The following GUCD1 variants were observed in gnomAD, a reference collection of about 807,000 sequenced individuals.
GUCD1 encodes protein GUCD1.
Under a neutral mutation model 28.3 loss-of-function variants are expected in GUCD1, and 17 were observed. The ratio of observed to expected loss-of-function variants is 0.60; its 90% CI spans 0.41 to 0.90. The LOEUF is 0.90. GUCD1 is among the 40% of genes least tolerant of loss of function. GUCD1 has a pLI of 0.00. For missense variants in GUCD1, 279 were observed against 305.5 expected, an observed-to-expected ratio of 0.91 and a Z score of 0.65; for synonymous variants, 129 against 123.3, an observed-to-expected ratio of 1.05 and a Z score of -0.30.
upstream of GUCD1, chr22:24,555,204 G>A (rs1303378781): frequency 2.6e-5 from 27 of 1,048,588 alleles, no homozygotes; most frequent in East Asian, 7.2e-4. Flanking sequence ...CCCCTCCTTA[G>A]GCCCCGCCCC....
At chr22:24,555,604 GC>G (rs374369179), upstream of GUCD1, 321 of 1,550,394 alleles carry the variant, frequency 2.1e-4, 2 homozygotes, top group African/African-American at 3.6e-3. Context: ...CTCACTCAGG[GC>G]CCCCCTTACC....
intron 4 of GUCD1, among the ~76,000 whole-genome samples, chr22:24,544,827 C>T (rs1410543648): frequency 6.6e-6 from 1 of 152,146 alleles, no homozygotes; most frequent in African/African-American, 2.4e-5. Flanking sequence ...GCCTGGGCAA[C>T]ACAGCAGTAC....
chr22:24,546,350 G>C (rs531604405), intron 4 of GUCD1, among the ~76,000 whole-genome samples: 18 of 152,156 alleles, frequency 1.2e-4, no homozygotes, highest in Non-Finnish European at 2.4e-4. Context: ...GAAAATCTGA[G>C]AAGAGCCTGT....
intron 4 of GUCD1, 86 bp from the exon 5 acceptor site, chr22:24,544,169 G>A: frequency 6.5e-7 from 1 of 1,532,916 alleles, no homozygotes; most frequent in Non-Finnish European, 8.8e-7. Context: ...CTGTTTCTCT[G>A]TTACAAAGCT....
At chr22:24,550,315 A>C (rs1263025098) in intron 1 of GUCD1, among the ~76,000 whole-genome samples, 1 of 152,222 alleles carries the variant, frequency 6.6e-6, no homozygotes, top group Non-Finnish European at 1.5e-5. Context: ...TGGATAGCAA[A>C]AATAAGCAAA....
chr22:24,544,788 G>A (rs2044683134), intron 4 of GUCD1, among the ~76,000 whole-genome samples: 1 of 152,300 alleles, frequency 6.6e-6, no homozygotes, highest in Non-Finnish European at 1.5e-5. Flanking sequence ...AAAGCGGAAG[G>A]ATCGCTTGAG....
rs751067553 is a variant in GUCD1 at position 24,555,018 on chromosome 22, G to T, written c.-27C>A. The T allele has an allele frequency of 6.8e-7, 1 of 1,477,296 alleles. No homozygotes were observed. The highest frequency in any genetic ancestry group is 1.4e-5 in the South Asian group (1 of 73,742). 91.5% of individuals were successfully genotyped at this position (1,477,296 alleles called of 1,614,324 possible). On this transcript the variant is annotated 5_prime_UTR_variant, in exon 1 of 6. Coordinates refer to ENST00000435822, the MANE Select transcript of GUCD1 (RefSeq NM_001284254.2). Reference sequence around the variant, plus strand: ...ACCCGGGCGGCGCGGGGCGCCCATGGCCCCGGCCCAGAGCGGGCTACAGCT... The same window carrying T: ...ACCCGGGCGGCGCGGGGCGCCCATGTCCCCGGCCCAGAGCGGGCTACAGCT...
rs1017263881 is a variant in GUCD1, at chr22:24,555,132, G to A, written c.-141C>T. 141 of 1,304,088 alleles carry A rather than the reference G, an allele frequency of 1.1e-4. No homozygotes were observed. Among genetic ancestry groups the A allele is most frequent in the Non-Finnish European group, 1.3e-4 (134 of 1,028,370 alleles). 80.8% of individuals were successfully genotyped at this position (1,304,088 alleles called of 1,614,324 possible). Reference sequence around the variant, plus strand: ...CGCTGCGGAGGAGAGAACGGGAGGCGGCGGCTGGGCCGCCCCAAGCGCCGC... The same window carrying A: ...CGCTGCGGAGGAGAGAACGGGAGGCAGCGGCTGGGCCGCCCCAAGCGCCGC... On this transcript the variant is annotated 5_prime_UTR_variant, in exon 1 of 6. Transcript: ENST00000435822.
chr22:24,547,127 TGCCAGGGCAGACGGTACATGCAGCAA>T (rs911104897), intron 3 of GUCD1, 122 bp from the exon 4 acceptor site: 40 of 743,216 alleles, frequency 5.4e-5, no homozygotes, highest in Non-Finnish European at 8.1e-5. Flanking sequence ...GAGCCCCACC[TGCCAGGGCAGACGGTACATGCAGCAA>T]GCCAGATCAG....
chr22:24,546,408 G>A (rs530966279), intron 4 of GUCD1, among the ~76,000 whole-genome samples: 8 of 152,340 alleles, frequency 5.3e-5, no homozygotes, highest in African/African-American at 1.9e-4. Context: ...ACGTAGCCCA[G>A]AAAAGAATGT....
intron 1 of GUCD1, among the ~76,000 whole-genome samples, chr22:24,551,341 A>T (rs1601550116): frequency 6.6e-6 from 1 of 151,778 alleles, no homozygotes; most frequent in Non-Finnish European, 1.5e-5. Flanking sequence ...AGTGGCACTG[A>T]CCCCTGCCTG....
chr22:24,543,799 G>C, intron 5 of GUCD1, 43 bp downstream of exon 5: 1 of 1,602,554 alleles, frequency 6.2e-7, no homozygotes, highest in Non-Finnish European at 8.5e-7. Flanking sequence ...ACAGAACAGT[G>C]AATGTGGACC....
At chr22:24,552,985 C>T (rs1230771458) in intron 1 of GUCD1, among the ~76,000 whole-genome samples, 1 of 152,012 alleles carries the variant, frequency 6.6e-6, no homozygotes, top group African/African-American at 2.4e-5. Context: ...AAAATAAGCC[C>T]TCACTGTTTG....
intron 3 of GUCD1, chr22:24,547,326 C>T (rs12170895): frequency 0.14 from 42,492 of 311,472 alleles, 3,187 homozygotes; most frequent in South Asian, 0.2. Flanking sequence ...GAGCCCGTAG[C>T]GAATAAGCAA....
At chr22:24,545,286 T>C (rs767307086) in intron 4 of GUCD1, among the ~76,000 whole-genome samples, 1 of 151,982 alleles carries the variant, frequency 6.6e-6, no homozygotes, top group African/African-American at 2.4e-5. Flanking sequence ...TGAAACAAAA[T>C]AGCTGGCTGA....
At chr22:24,552,494 G>A (rs890516739) in intron 1 of GUCD1, among the ~76,000 whole-genome samples, 7 of 152,142 alleles carry the variant, frequency 4.6e-5, no homozygotes, top group South Asian at 2.1e-4. Flanking sequence ...TTTTTAGGCC[G>A]TGCACAGTGG....
Position 24,543,084 on chromosome 22 carries a change from G to A in GUCD1, c.642C>T (p.Thr214=), listed in dbSNP as rs775583557. The stretch of plus-strand genomic sequence containing the variant: ...TGGCCTCCTCAAAGTTACTGATGCT[G>A]GTGCTGCACATTCCTGCTGGGGGTG... ...NPAYADRMCS[T]SISNFEEART... is the part of the protein sequence containing the mutation. The change falls in exon 6 of 6, where the codon ACC becomes ACT. Residue 214 remains threonine, a synonymous_variant. Coordinates refer to ENST00000435822, the MANE Select transcript of GUCD1 (RefSeq NM_001284254.2). 1.2e-6 allele frequency: 2 copies of A among 1,613,658 alleles called. No homozygotes were observed. Among genetic ancestry groups the A allele is most frequent in the East Asian group, 2.2e-5 (1 of 44,884 alleles).
At chr22:24,547,738 C>G (rs2044764086) in intron 3 of GUCD1, 170 bp downstream of exon 3, 1 of 664,536 alleles carries the variant, frequency 1.5e-6, no homozygotes, top group Non-Finnish European at 2.5e-6. Context: ...CTCTGACTGG[C>G]TCCCAAATCC....
At chr22:24,552,135 G>A (rs2044892674) in intron 1 of GUCD1, among the ~76,000 whole-genome samples, 2 of 152,126 alleles carry the variant, frequency 1.3e-5, no homozygotes, top group African/African-American at 4.8e-5. Context: ...ACCTGCCAGC[G>A]CCTTGATCTT....
Sources: allele counts gnomAD v4.1 joint callset (sites outside exome capture counted in the v4.1 genomes callset), GRCh38; gene constraint gnomAD v4.1.1; transcripts MANE v1.5; gene names NCBI Gene and HGNC (gene_info 2026-07-23, HGNC 2026-07-21).